GADL1: variants seen among roughly 807,000 people sequenced by gnomAD.
GADL1 encodes the protein acidic amino acid decarboxylase GADL1.
Under a neutral mutation model 69.5 loss-of-function variants are expected in GADL1, and 71 were observed. The ratio of observed to expected loss-of-function variants is 1.02; its 90% CI spans 0.84 to 1.25. The LOEUF is 1.25. Among genes scored for constraint, GADL1 ranks in the 50% most tolerant of loss-of-function variants. GADL1 has a pLI of 0.00. For missense variants in GADL1, 737 were observed against 631.8 expected, an observed-to-expected ratio of 1.17 and a Z score of -1.79; for synonymous variants, 254 against 214.4, an observed-to-expected ratio of 1.18 and a Z score of -1.62.
intron 13 of GADL1, among the ~76,000 whole-genome samples, chr3:30,785,662 CTG>C: frequency 6.6e-6 from 1 of 152,336 alleles, no homozygotes; most frequent in Admixed American, 6.5e-5. Flanking sequence ...GCGTGAGCCA[CTG>C]TGCCTAGCCA....
At chr3:30,861,340 A>G (rs1286049976) in intron 2 of GADL1, among the ~76,000 whole-genome samples, 2 of 132,462 alleles carry the variant, frequency 1.5e-5, no homozygotes, top group Non-Finnish European at 3.4e-5. Context: ...TCATGTCCTT[A>G]TGTGATTAAG....
chr3:30,864,356 C>A (rs780309349), intron 1 of GADL1, among the ~76,000 whole-genome samples: 3 of 151,784 alleles, frequency 2.0e-5, no homozygotes, highest in East Asian at 2.0e-4. Context: ...CTTTCTCTCA[C>A]CCCGTTCCGT....
intron 11 of GADL1, among the ~76,000 whole-genome samples, chr3:30,803,811 C>T (rs926579658): frequency 1.3e-5 from 2 of 152,154 alleles, no homozygotes; most frequent in Admixed American, 6.5e-5. Flanking sequence ...AGTTTTAAGA[C>T]ATCAACTAAG....
rs1401583426 is a variant in GADL1, at chr3:30,726,657, A to G, written c.*1585T>C. 6.6e-6 allele frequency: 1 copy of G among 152,172 alleles called. No homozygotes were observed. The highest frequency in any genetic ancestry group is 1.9e-4 in the East Asian group (1 of 5,202). The allele number at this position is 152,172 out of a possible 1,614,324, so 9.4% of individuals were successfully genotyped here. A position where few individuals can be genotyped will look rare whatever the true frequency, so the allele number is the denominator to read the frequency against. On this transcript the variant is annotated 3_prime_UTR_variant, in exon 15 of 15. Transcript: ENST00000282538. ...AAAATTTAAATGACATTGGTTAACA[A>G]TGGAGTACGAAAAGGTTATTGAATG...
At chr3:30,730,756 T>C (rs1559481718) in intron 14 of GADL1, among the ~76,000 whole-genome samples, 1 of 152,322 alleles carries the variant, frequency 6.6e-6, no homozygotes, top group East Asian at 1.9e-4. Flanking sequence ...TATCACATTA[T>C]TTTCTAGAAT....
intron 14 of GADL1, among the ~76,000 whole-genome samples, chr3:30,748,421 C>A (rs1695744107): frequency 6.6e-6 from 1 of 151,664 alleles, no homozygotes; most frequent in Non-Finnish European, 1.5e-5. Context: ...TAGCACTTCC[C>A]CACTGACTAC....
chr3:30,823,244 C>T (rs983553211), intron 11 of GADL1, among the ~76,000 whole-genome samples: 2 of 151,452 alleles, frequency 1.3e-5, no homozygotes, highest in African/African-American at 4.9e-5. Context: ...AAGACAAGAA[C>T]CAGAATGGTG....
At chr3:30,800,782 G>A in intron 12 of GADL1, 107 bp downstream of exon 12, 1 of 887,590 alleles carries the variant, frequency 1.1e-6, no homozygotes, top group Non-Finnish European at 1.7e-6. Context: ...CTTTCCTTAG[G>A]TCTTCCTATT....
chr3:30,822,416 G>A (rs889264107), intron 11 of GADL1, among the ~76,000 whole-genome samples: 4 of 152,020 alleles, frequency 2.6e-5, no homozygotes, highest in South Asian at 2.1e-4. Context: ...AGCTGCTTTC[G>A]TGGTAATGAT....
chr3:30,728,068 C>T lies in GADL1; in HGVS notation c.*174G>A. On this transcript the variant is annotated 3_prime_UTR_variant, in exon 15 of 15. Transcript: ENST00000282538. ...TCTTTTAGCAACAGTAATGCCCAGG[C>T]AGCTAGAGAGTCCTTAATATTCATT... The T allele has an allele frequency of 1.9e-6, 1 of 538,864 alleles. No individual in the cohort carries two copies. The highest frequency in any genetic ancestry group is 3.3e-5 in the South Asian group (1 of 30,644). 33.4% of individuals were successfully genotyped at this position (538,864 alleles called of 1,614,324 possible).
chr3:30,837,730 T>C (rs1382226746), intron 9 of GADL1, among the ~76,000 whole-genome samples: 1 of 152,148 alleles, frequency 6.6e-6, no homozygotes, highest in African/African-American at 2.4e-5. Flanking sequence ...ATTTTCCCCC[T>C]TATTTCCACA....
At chr3:30,751,374 G>T (rs779554608) in intron 14 of GADL1, among the ~76,000 whole-genome samples, 1 of 151,944 alleles carries the variant, frequency 6.6e-6, no homozygotes, top group Admixed American at 6.6e-5. Context: ...TCTGTGAGTT[G>T]TCTTCGCTCA....
intron 1 of GADL1, among the ~76,000 whole-genome samples, chr3:30,876,683 C>G: frequency 7.1e-6 from 1 of 141,780 alleles, no homozygotes. Context: ...TGGTCAGAAC[C>G]TACTCTTGCC....
At chr3:30,752,216 A>G (rs1401119343) in intron 14 of GADL1, among the ~76,000 whole-genome samples, 1 of 152,176 alleles carries the variant, frequency 6.6e-6, no homozygotes. Context: ...GGTTTTCGAC[A>G]GCTTTTCCTT....
intron 6 of GADL1, among the ~76,000 whole-genome samples, chr3:30,848,744 G>A (rs1246333732): frequency 6.6e-6 from 1 of 152,146 alleles, no homozygotes; most frequent in Non-Finnish European, 1.5e-5. Context: ...CATTCTCCTA[G>A]TAACAATTAT....
chr3:30,848,413 T>G (rs1319267725), intron 6 of GADL1, among the ~76,000 whole-genome samples: 2 of 152,196 alleles, frequency 1.3e-5, no homozygotes, highest in East Asian at 3.9e-4. Flanking sequence ...GAGAAATTAG[T>G]GCACAATTTG....
At chr3:30,790,646 A>G (rs1245973379) in intron 12 of GADL1, among the ~76,000 whole-genome samples, 1 of 152,174 alleles carries the variant, frequency 6.6e-6, no homozygotes. Context: ...TAAACCTTTT[A>G]AGTAATACTC....
In GADL1 at chr3:30,800,881, G is replaced by A. The variant is rs1280051896; in HGVS notation, c.1250+8C>T. The A allele has an allele frequency of 1.3e-6, 2 of 1,505,252 alleles. No homozygotes were observed. Among genetic ancestry groups the A allele is most frequent in the Admixed American group, 1.7e-5 (1 of 58,122 alleles). The allele number at this position is 1,505,252 out of a possible 1,614,324, so 93.2% of individuals were successfully genotyped here. A position where few individuals can be genotyped will look rare whatever the true frequency, so the allele number is the denominator to read the frequency against. On this transcript the variant is annotated splice_region_variant and intron_variant, in intron 12 of 14. Coordinates refer to ENST00000282538, the MANE Select transcript of GADL1 (RefSeq NM_207359.3). ...GAGAGAGAGAGAGAGAGAGAGAGAG[G>A]CTAGTACCTAGATAAAGCAAGAGCA...
At chr3:30,851,998 T>C (rs537789595) in intron 4 of GADL1, among the ~76,000 whole-genome samples, 12 of 152,236 alleles carry the variant, frequency 7.9e-5, no homozygotes, top group African/African-American at 2.6e-4. Context: ...TCCTTTTCAA[T>C]TGAGGGATTA....
Sources: allele counts gnomAD v4.1 joint callset (sites outside exome capture counted in the v4.1 genomes callset), GRCh38; gene constraint gnomAD v4.1.1; transcripts MANE v1.5; gene names NCBI Gene and HGNC (gene_info 2026-07-23, HGNC 2026-07-21).